The following EXOC5 variants were observed in gnomAD, a reference collection of about 807,000 sequenced individuals.
EXOC5 encodes exocyst complex component 5, also known as SEC10-like 1.
Under a neutral mutation model 90.8 loss-of-function variants are expected in EXOC5, and 17 were observed. That is an observed-to-expected ratio of 0.19 (90% CI 0.13 to 0.28). EXOC5 has a LOEUF of 0.28. Among genes scored for constraint, EXOC5 ranks in the 10% least tolerant of loss-of-function variants. The pLI is 1.00. For synonymous variants in EXOC5, 260 were observed against 270.0 expected (o/e 0.96, Z 0.36); for missense variants, 569 against 830.6 (o/e 0.69, Z 3.87).
rs1291040923 is a variant in EXOC5 at position 57,208,514 on chromosome 14, G to A, written c.*95C>T. On this transcript the variant is annotated 3_prime_UTR_variant, in exon 18 of 18. Transcript: ENST00000621441. ...TCACAAAATGTTGGCTGTGTCATAA[G>A]GTATCTCCTGTGCTTTCTATCAACC... is the stretch of plus-strand genomic sequence containing the variant. 1.3e-6 allele frequency: 1 copy of A among 784,192 alleles called. No homozygotes were observed. Among genetic ancestry groups the A allele is most frequent in the Non-Finnish European group, 2.1e-6 (1 of 482,194 alleles). 48.6% of individuals were successfully genotyped at this position (784,192 alleles called of 1,614,324 possible).
At chr14:57,211,578 C>CA (rs755428249) in intron 15 of EXOC5, 8 of 152,254 alleles carry the variant, frequency 5.3e-5, no homozygotes, top group Non-Finnish European at 1.0e-4. Context: ...GAAAACCTTC[C>CA]ATACTCCTGC....
intron 4 of EXOC5, among the ~76,000 whole-genome samples, chr14:57,241,191 C>G (rs1883847533): frequency 6.6e-6 from 1 of 152,112 alleles, no homozygotes; most frequent in African/African-American, 2.4e-5. Context: ...TGAACTCTGA[C>G]AAGCAACTGT....
chr14:57,258,689 T>C (rs951479631), intron 1 of EXOC5, among the ~76,000 whole-genome samples: 1 of 152,182 alleles, frequency 6.6e-6, no homozygotes, highest in Admixed American at 6.6e-5. Flanking sequence ...CAGAACTTAA[T>C]GGTATTTGTG....
rs564124086 is a variant in EXOC5, at chr14:57,259,114, C to CT, written c.27+9507dup. On this transcript the variant is annotated intron_variant, in intron 1 of 17. Transcript: ENST00000621441. ...CACTATCAAATTCACACACACTTTT[C>CT]TTTTTTTTTTTTTGAGATACAGTCT... Among the ~76,000 whole-genome samples the CT allele has an allele frequency of 8.3e-3, 1,207 of 144,678 alleles. 20 individuals carry two copies. Among genetic ancestry groups the CT allele is most frequent in the African/African-American group, 0.025 (1,015 of 39,840 alleles). The allele number at this position is 144,678 out of a possible 152,430, so 94.9% of individuals were successfully genotyped here.
intron 13 of EXOC5, among the ~76,000 whole-genome samples, chr14:57,220,286 A>G (rs375222826): frequency 3.9e-5 from 6 of 152,254 alleles, no homozygotes; most frequent in African/African-American, 1.4e-4. Flanking sequence ...GAACTTTACA[A>G]GAGAAAAAAA....
chr14:57,268,394 T>TCCCCTCTCTGCCGACCGGCCG, intron 1 of EXOC5: 1 of 1,252,514 alleles, frequency 8.0e-7, no homozygotes, highest in Non-Finnish European at 1.1e-6. Context: ...ACACCCGGCT[T>TCCCCTCTCTGCCGACCGGCCG]CCCCTCTCTG....
intron 15 of EXOC5, 48 bp from the exon 16 acceptor site, chr14:57,210,109 ATGTT>A (rs1368108752): frequency 3.9e-6 from 3 of 770,196 alleles, no homozygotes; most frequent in Admixed American, 4.9e-5. Context: ...AACTTACTCT[ATGTT>A]TATGTTTAAT....
intron 1 of EXOC5, among the ~76,000 whole-genome samples, chr14:57,261,354 C>G (rs1423030399): frequency 6.6e-6 from 1 of 152,234 alleles, no homozygotes; most frequent in Non-Finnish European, 1.5e-5. Flanking sequence ...TAATTACACA[C>G]ATGTGCAGTC....
At chr14:57,225,463 T>G (rs559642200) in intron 12 of EXOC5, among the ~76,000 whole-genome samples, 44 of 152,122 alleles carry the variant, frequency 2.9e-4, no homozygotes, top group African/African-American at 1.1e-3. Flanking sequence ...AGCACTGTAC[T>G]AGAAGTCTGG....
At chr14:57,223,741 C>T (rs1883222817) in intron 12 of EXOC5, among the ~76,000 whole-genome samples, 1 of 151,902 alleles carries the variant, frequency 6.6e-6, no homozygotes, top group South Asian at 2.1e-4. Flanking sequence ...ATACAATACT[C>T]CATCCAACAA....
chr14:57,238,707 A>C (rs1224089323), intron 5 of EXOC5, among the ~76,000 whole-genome samples: 2 of 152,016 alleles, frequency 1.3e-5, no homozygotes, highest in African/African-American at 4.8e-5. Flanking sequence ...ATCAGAGTTG[A>C]GAATAAAATA....
At chr14:57,216,214 C>G (rs1233739248) in intron 15 of EXOC5, among the ~76,000 whole-genome samples, 2 of 151,284 alleles carry the variant, frequency 1.3e-5, no homozygotes, top group African/African-American at 4.9e-5. Flanking sequence ...TTAACCTGTC[C>G]ATACTACTCA....
At chr14:57,244,121 G>A (rs1883960903) in intron 4 of EXOC5, 44 bp downstream of exon 4, 1 of 1,334,344 alleles carries the variant, frequency 7.5e-7, no homozygotes, top group East Asian at 2.3e-5. Context: ...TTAGGGCACT[G>A]TTATTAATGC....
chr14:57,243,229 T>C (rs1883925456), intron 4 of EXOC5: 1 of 152,164 alleles, frequency 6.6e-6, no homozygotes, highest in Admixed American at 6.5e-5. Context: ...AAAAACCACC[T>C]GTACTTGAAA....
In EXOC5 at chr14:57,205,281, G is replaced by A. The variant is rs1594641016; in HGVS notation, c.*3328C>T. ...ATATGAACTGATCTTTTCTTCTAAA[G>A]TATAGAATAATTACAGGATAGATCA... On this transcript the variant is annotated 3_prime_UTR_variant, in exon 18 of 18. Coordinates refer to ENST00000621441, the MANE Select transcript of EXOC5 (RefSeq NM_006544.4). 6.6e-6 allele frequency: 1 copy of A among 152,130 alleles called. No individual in the cohort carries two copies. Among genetic ancestry groups the A allele is most frequent in the African/African-American group, 2.4e-5 (1 of 41,538 alleles). The allele number at this position is 152,130 out of a possible 1,614,324, so 9.4% of individuals were successfully genotyped here.
At chr14:57,246,645 A>T in intron 3 of EXOC5, 66 bp downstream of exon 3, 1 of 1,402,902 alleles carries the variant, frequency 7.1e-7, no homozygotes, top group Non-Finnish European at 9.9e-7. Context: ...TTAAGAGCTT[A>T]AAACTGGAAG....
chr14:57,202,389 T>C lies in EXOC5; in HGVS notation c.*6220A>G, dbSNP rs954409236. On this transcript the variant is annotated 3_prime_UTR_variant, in exon 18 of 18. Coordinates refer to ENST00000621441, the MANE Select transcript of EXOC5 (RefSeq NM_006544.4). ...TAATATGTCAATGTTAACTTCCCAA[T>C]TTTCATGTATTGTAGTTATACTGAA... is the stretch of plus-strand genomic sequence containing the variant. The C allele has an allele frequency of 6.6e-6, 1 of 152,188 alleles. No individual in the cohort carries two copies. Among genetic ancestry groups the C allele is most frequent in the Non-Finnish European group, 1.5e-5 (1 of 68,024 alleles). The allele number at this position is 152,188 out of a possible 1,614,324, so 9.4% of individuals were successfully genotyped here.
intron 1 of EXOC5, among the ~76,000 whole-genome samples, chr14:57,263,289 A>G (rs772350642): frequency 9.9e-5 from 15 of 151,974 alleles, no homozygotes; most frequent in Admixed American, 1.3e-4. Context: ...TGGGCAATAC[A>G]ATGAGACCCC....
chr14:57,268,222 A>T (rs1486952342), intron 1 of EXOC5: 2 of 272,286 alleles, frequency 7.3e-6, no homozygotes, highest in Non-Finnish European at 1.4e-5. Context: ...TCCCGCGAGG[A>T]CCCCAGCGAC....
Sources: allele counts gnomAD v4.1 joint callset (sites outside exome capture counted in the v4.1 genomes callset), GRCh38; gene constraint gnomAD v4.1.1; transcripts MANE v1.5; gene names NCBI Gene and HGNC (gene_info 2026-07-23, HGNC 2026-07-21).